Variants in TMEM132B observed in about 807,000 individuals in gnomAD.
TMEM132B encodes the protein transmembrane protein 132B.
TMEM132B carries 18 observed loss-of-function variants against 90.8 expected under a neutral mutation model. The observed-to-expected ratio is 0.20, with a 90% CI of 0.14 to 0.29. The LOEUF (loss-of-function observed/expected upper bound fraction) is 0.29, where lower values mean the gene tolerates loss of function less well. Among genes scored for constraint, TMEM132B ranks in the 10% least tolerant of loss-of-function variants. The probability of loss-of-function intolerance (pLI) is 1.00; values close to 1 mark genes in which losing one functional copy is unlikely to be tolerated. For missense variants in TMEM132B, 1,096 were observed against 1,326.8 expected (o/e 0.83, Z 2.70); for synonymous variants, 504 against 523.3 (o/e 0.96, Z 0.50).
intron 5 of TMEM132B, among the ~76,000 whole-genome samples, chr12:125,603,233 A>G (rs938623712): frequency 1.3e-5 from 2 of 152,228 alleles, no homozygotes; most frequent in African/African-American, 4.8e-5. Context: ...TAACTGAAAC[A>G]GCATGGTACT....
Position 125,515,801 on chromosome 12 carries a change from A to G in TMEM132B, c.1107-3638A>G, listed in dbSNP as rs115812094. 5.1e-3 allele frequency among the ~76,000 whole-genome samples: 750 copies of G among 147,496 alleles called. 4 individuals are homozygous for G. The highest frequency in any genetic ancestry group is 0.018 in the African/African-American group (727 of 39,854). On this transcript the variant is annotated intron_variant, in intron 3 of 8. Transcript: ENST00000682704. ...GCACATCTCTTTCACATTCACACAA[A>G]TACACATTCTATCAACACATTCACA...
rs150840971 is a variant in TMEM132B, at chr12:125,411,579, C to T, written c.960-3952C>T. Among the ~76,000 whole-genome samples, 16 of 152,110 alleles carry T rather than the reference C, an allele frequency of 1.1e-4. 1 individual carries two copies. The highest frequency in any genetic ancestry group is 3.9e-4 in the African/African-American group (16 of 41,500). On this transcript the variant is annotated intron_variant, in intron 2 of 8. Transcript: ENST00000682704. ...CCCAGTTGGCCAAACCTCTAGGGTA[C>T]GTGTGAGGGGTTCCCTGCCTCTGGG...
chr12:125,630,484 T>A (rs1886341268), intron 5 of TMEM132B, among the ~76,000 whole-genome samples: 1 of 152,144 alleles, frequency 6.6e-6, no homozygotes, highest in Non-Finnish European at 1.5e-5. Context: ...AGTTGTAATG[T>A]CTGCTTTTTC....
intron 3 of TMEM132B, among the ~76,000 whole-genome samples, chr12:125,456,362 C>T (rs1881292691): frequency 6.6e-6 from 1 of 152,200 alleles, no homozygotes; most frequent in African/African-American, 2.4e-5. Flanking sequence ...TGATCACCAG[C>T]TGTGTGCTGA....
intron 3 of TMEM132B, among the ~76,000 whole-genome samples, chr12:125,436,617 G>A (rs182606774): frequency 1.3e-5 from 2 of 152,272 alleles, no homozygotes; most frequent in Admixed American, 6.5e-5. Context: ...AAAGGGAGAC[G>A]CACAGGACAG....
Position 125,519,611 on chromosome 12 carries a change from G to A in TMEM132B, c.1279G>A (p.Val427Ile), listed in dbSNP as rs765569002. The A allele has an allele frequency of 8.7e-6, 14 of 1,613,872 alleles. No homozygotes were observed. The African/African-American group carries it at 1.2e-4, about 14-fold the overall frequency. Residue 427 changes from valine to isoleucine, a missense_variant, in exon 4 of 9, where the codon GTC becomes ATC. Transcript: ENST00000682704. Reference protein sequence around the residue: ...FVSQTTFVGIVPLAMDTEVLN... With the variant: ...FVSQTTFVGIIPLAMDTEVLN... ...CAGCCAGACAACCTTCGTGGGCATCGTCCCTCTTGCCATGGTGAGGAATCT... is the reference window on the plus strand; with the variant it reads ...CAGCCAGACAACCTTCGTGGGCATCATCCCTCTTGCCATGGTGAGGAATCT...
chr12:125,564,558 G>A (rs895748062), intron 4 of TMEM132B, among the ~76,000 whole-genome samples: 39 of 152,330 alleles, frequency 2.6e-4, no homozygotes, highest in Middle Eastern at 6.8e-3. Flanking sequence ...AATTAGACAA[G>A]CTCTTCTGTG....
intron 1 of TMEM132B, among the ~76,000 whole-genome samples, chr12:125,247,151 A>C (rs1302202156): frequency 6.6e-6 from 1 of 152,002 alleles, no homozygotes; most frequent in Non-Finnish European, 1.5e-5. Flanking sequence ...GTTACGCCTT[A>C]TTTTCTCCTT....
intron 5 of TMEM132B, among the ~76,000 whole-genome samples, chr12:125,632,517 A>T (rs1398208862): frequency 2.0e-5 from 3 of 152,104 alleles, no homozygotes; most frequent in Admixed American, 1.3e-4. Flanking sequence ...CTTATTGCTC[A>T]TTAATGTCCT....
chr12:125,515,087 A>G (rs957753633), intron 3 of TMEM132B, among the ~76,000 whole-genome samples: 1 of 152,140 alleles, frequency 6.6e-6, no homozygotes, highest in African/African-American at 2.4e-5. Context: ...AGAAACAGCC[A>G]AGCAGTGTCG....
intron 1 of TMEM132B, among the ~76,000 whole-genome samples, chr12:125,212,833 C>T (rs1227056328): frequency 6.6e-6 from 1 of 152,100 alleles, no homozygotes; most frequent in Non-Finnish European, 1.5e-5. Context: ...TTTTTTTGTA[C>T]AAGCCAAAAT....
intron 2 of TMEM132B, among the ~76,000 whole-genome samples, chr12:125,412,176 G>A (rs1364721153): frequency 6.6e-6 from 1 of 152,174 alleles, no homozygotes; most frequent in South Asian, 2.1e-4. Flanking sequence ...CATCGTGCAC[G>A]GAGTCCCATG....
intron 5 of TMEM132B, among the ~76,000 whole-genome samples, chr12:125,616,718 T>A (rs1169953206): frequency 2.0e-5 from 3 of 152,214 alleles, no homozygotes; most frequent in Non-Finnish European, 4.4e-5. Context: ...GTTATGAACT[T>A]AATTTTGTGT....
chr12:125,275,318 A>G (rs1393606116), intron 1 of TMEM132B, among the ~76,000 whole-genome samples: 8 of 152,136 alleles, frequency 5.3e-5, no homozygotes, highest in Admixed American at 5.2e-4. Flanking sequence ...AGGTCATCTT[A>G]GGTTTTCTTC....
intron 3 of TMEM132B, among the ~76,000 whole-genome samples, chr12:125,450,112 A>C (rs1427802731): frequency 6.6e-6 from 1 of 152,208 alleles, no homozygotes; most frequent in Non-Finnish European, 1.5e-5. Flanking sequence ...TCTGTTCAGT[A>C]GAAGGGCTAA....
intron 1 of TMEM132B, among the ~76,000 whole-genome samples, chr12:125,199,715 C>T (rs1247349860): frequency 6.6e-6 from 1 of 152,094 alleles, no homozygotes; most frequent in East Asian, 1.9e-4. Context: ...TCCTTTTTAC[C>T]ATTTCAAGGT....
chr12:125,229,359 A>T (rs944481946), intron 1 of TMEM132B, among the ~76,000 whole-genome samples: 2 of 152,144 alleles, frequency 1.3e-5, no homozygotes, highest in Non-Finnish European at 1.5e-5. Context: ...TGTGCCTGTG[A>T]TTCAGTCAGT....
At chr12:125,214,093 C>T (rs1253012745) in intron 1 of TMEM132B, among the ~76,000 whole-genome samples, 5 of 152,252 alleles carry the variant, frequency 3.3e-5, no homozygotes, top group South Asian at 4.2e-4. Context: ...AGGTCTGAAT[C>T]GGGAGCAGGA....
intron 1 of TMEM132B, among the ~76,000 whole-genome samples, chr12:125,232,261 A>G (rs1425891297): frequency 1.3e-5 from 2 of 152,048 alleles, no homozygotes; most frequent in Non-Finnish European, 1.5e-5. Flanking sequence ...TCACCATCTC[A>G]TGGTTCTTTG....
Sources: gnomAD v4.1 joint callset for allele counts (sites outside exome capture counted in the v4.1 genomes callset) on GRCh38, gnomAD v4.1.1 for gene constraint, MANE v1.5 for transcripts, NCBI Gene and HGNC (gene_info 2026-07-23, HGNC 2026-07-21) for gene names.